The following PPM1L variants were observed in gnomAD, a reference collection of about 807,000 sequenced individuals.
PPM1L encodes protein phosphatase, Mg2+/Mn2+ dependent 1L, also known as protein phosphatase 1L.
Under a neutral mutation model 31.4 loss-of-function variants are expected in PPM1L, and 13 were observed. That is an observed-to-expected ratio of 0.41 (90% CI 0.27 to 0.66). PPM1L has a LOEUF of 0.66. Among genes scored for constraint, PPM1L ranks in the 30% least tolerant of loss-of-function variants. PPM1L has a pLI of 0.29. For synonymous variants in PPM1L, 184 were observed against 175.4 expected, an observed-to-expected ratio of 1.05 and a Z score of -0.39; for missense variants, 326 against 453.7, an observed-to-expected ratio of 0.72 and a Z score of 2.56.
chr3:160,770,316 TATC>T (rs779269691), intron 1 of PPM1L, among the ~76,000 whole-genome samples: 7 of 152,214 alleles, frequency 4.6e-5, no homozygotes, highest in Admixed American at 1.3e-4. Flanking sequence ...TAGTGGATGT[TATC>T]ATGTTCCTGT....
intron 1 of PPM1L, among the ~76,000 whole-genome samples, chr3:160,773,055 G>A (rs184763969): frequency 6.6e-6 from 1 of 152,002 alleles, no homozygotes; most frequent in Non-Finnish European, 1.5e-5. Flanking sequence ...ATTTCTCTTG[G>A]GTAAATATCT....
intron 1 of PPM1L, among the ~76,000 whole-genome samples, chr3:160,922,419 A>G (rs1213463322): frequency 6.6e-6 from 1 of 152,176 alleles, no homozygotes; most frequent in Non-Finnish European, 1.5e-5. Flanking sequence ...ACAGGCATTG[A>G]GTCTTATATG....
intron 3 of PPM1L, among the ~76,000 whole-genome samples, chr3:161,068,401 A>C (rs1719805417): frequency 6.6e-6 from 1 of 152,136 alleles, no homozygotes; most frequent in South Asian, 2.1e-4. Flanking sequence ...AGGCACACTT[A>C]TGAGTGGCCT....
chr3:160,951,708 G>A (rs1209143806), intron 1 of PPM1L, among the ~76,000 whole-genome samples: 2 of 152,136 alleles, frequency 1.3e-5, no homozygotes, highest in African/African-American at 2.4e-5. Flanking sequence ...TTTGAGGTTC[G>A]TCACATTAGG....
chr3:160,899,935 C>A (rs1334289874), intron 1 of PPM1L, among the ~76,000 whole-genome samples: 1 of 152,088 alleles, frequency 6.6e-6, no homozygotes, highest in African/African-American at 2.4e-5. Context: ...GATGAGCTAA[C>A]AAATTATCAC....
At chr3:160,889,712 C>T (rs1033865629) in intron 1 of PPM1L, among the ~76,000 whole-genome samples, 1 of 152,098 alleles carries the variant, frequency 6.6e-6, no homozygotes, top group African/African-American at 2.4e-5. Flanking sequence ...AACAAAACTT[C>T]AGGCTAGTGT....
At chr3:161,014,704 T>C (rs1279800544) in intron 2 of PPM1L, among the ~76,000 whole-genome samples, 1 of 152,192 alleles carries the variant, frequency 6.6e-6, no homozygotes, top group Non-Finnish European at 1.5e-5. Context: ...ACTCCTGACC[T>C]CATGATCCGC....
At chr3:161,000,855 C>T (rs988769155) in intron 2 of PPM1L, among the ~76,000 whole-genome samples, 8 of 152,282 alleles carry the variant, frequency 5.3e-5, no homozygotes, top group East Asian at 1.9e-4. Context: ...ATACTTTACA[C>T]AGCTCAAAGA....
chr3:160,952,272 C>T lies in PPM1L; in HGVS notation c.400-9464C>T, dbSNP rs142268791. ...CTGTCAAAAGTTAATGATATGTTAC[C>T]GTAAGAAAGATGGATTCCAAGGTGA... On this transcript the variant is annotated intron_variant, in intron 1 of 3. Transcript: ENST00000498165. Among the ~76,000 whole-genome samples the T allele has an allele frequency of 7.2e-5, 11 of 152,250 alleles. No individual in the cohort carries two copies. In the East Asian group the frequency reaches 9.7e-4, roughly 13 times the overall value.
intron 1 of PPM1L, among the ~76,000 whole-genome samples, chr3:160,865,013 A>G (rs1712039860): frequency 6.6e-6 from 1 of 152,254 alleles, no homozygotes; most frequent in South Asian, 2.1e-4. Flanking sequence ...AAAAACTAGC[A>G]AAACAAGAAA....
intron 1 of PPM1L, among the ~76,000 whole-genome samples, chr3:160,895,646 A>G (rs1050014877): frequency 2.6e-5 from 4 of 152,180 alleles, no homozygotes; most frequent in Admixed American, 1.3e-4. Flanking sequence ...AGAAATTTAT[A>G]AAGGAGTACT....
intron 1 of PPM1L, among the ~76,000 whole-genome samples, chr3:160,849,940 G>A (rs1378107534): frequency 6.6e-6 from 1 of 152,148 alleles, no homozygotes; most frequent in Non-Finnish European, 1.5e-5. Flanking sequence ...TAAAATATGT[G>A]GAGGTTTTTC....
At chr3:160,889,701 A>C (rs951874819) in intron 1 of PPM1L, among the ~76,000 whole-genome samples, 1 of 152,220 alleles carries the variant, frequency 6.6e-6, no homozygotes, top group Non-Finnish European at 1.5e-5. Flanking sequence ...ACACGCAAAA[A>C]AACAAAACTT....
chr3:160,979,579 A>G (rs1370534350), intron 2 of PPM1L, among the ~76,000 whole-genome samples: 2 of 152,076 alleles, frequency 1.3e-5, no homozygotes, highest in African/African-American at 2.4e-5. Context: ...ACATTATTCA[A>G]TGACCTGCTA....
chr3:160,922,409 A>G (rs1714445968), intron 1 of PPM1L, among the ~76,000 whole-genome samples: 1 of 152,192 alleles, frequency 6.6e-6, no homozygotes, highest in Non-Finnish European at 1.5e-5. Flanking sequence ...GGATTTCAAA[A>G]CAGGCATTGA....
intron 1 of PPM1L, among the ~76,000 whole-genome samples, chr3:160,825,163 AATAG>A (rs1713315350): frequency 2.3e-5 from 3 of 131,282 alleles, no homozygotes; most frequent in South Asian, 4.8e-4. Context: ...TAGACAGATA[AATAG>A]ATAGATGGAT....
chr3:160,866,395 T>C (rs997266767), intron 1 of PPM1L, among the ~76,000 whole-genome samples: 7 of 152,202 alleles, frequency 4.6e-5, no homozygotes, highest in Non-Finnish European at 8.8e-5. Context: ...ATAACAAAAC[T>C]TTACAATTTC....
intron 1 of PPM1L, among the ~76,000 whole-genome samples, chr3:160,853,070 T>C (rs1258537763): frequency 2.0e-5 from 3 of 152,166 alleles, no homozygotes; most frequent in African/African-American, 7.2e-5. Flanking sequence ...CTTCTGGCAT[T>C]CCTTGGCTTG....
chr3:161,039,977 GACTTTTAAA>G (rs112746009), intron 2 of PPM1L, among the ~76,000 whole-genome samples: 3,977 of 152,214 alleles, frequency 0.026, 84 homozygotes, highest in South Asian at 0.043. Flanking sequence ...CAAGCTTTTG[GACTTTTAAA>G]ACTTGGTGTT....
Sources: allele counts gnomAD v4.1 joint callset (sites outside exome capture counted in the v4.1 genomes callset), GRCh38; gene constraint gnomAD v4.1.1; transcripts MANE v1.5; gene names NCBI Gene and HGNC (gene_info 2026-07-23, HGNC 2026-07-21).